WWP1: variants seen among roughly 807,000 people sequenced by gnomAD.
The protein encoded by WWP1 is WW domain containing E3 ubiquitin protein ligase 1.
WWP1 carries 49 observed loss-of-function variants against 130.6 expected under a neutral mutation model. That is an observed-to-expected ratio of 0.38 (90% CI 0.30 to 0.48). WWP1 has a LOEUF of 0.48. WWP1 is among the 20% of genes least tolerant of loss of function. The pLI is 0.99. For missense variants in WWP1, 809 were observed against 1,100.6 expected (o/e 0.74, Z 3.75); for synonymous variants, 332 against 367.8 (o/e 0.90, Z 1.11).
intron 5 of WWP1, among the ~76,000 whole-genome samples, chr8:86,393,063 T>C (rs558342017): frequency 4.9e-4 from 75 of 152,348 alleles, no homozygotes; most frequent in Non-Finnish European, 6.9e-4. Context: ...CAGATGTTTA[T>C]TAGTCATTCA....
rs542835537 is a variant in WWP1, at chr8:86,431,218, AAT to A, written c.1388-183_1388-182del. Among the ~76,000 whole-genome samples, 720 of 141,410 alleles carry A rather than the reference AAT, an allele frequency of 5.1e-3. 7 individuals are homozygous for A. Among genetic ancestry groups the A allele is most frequent in the African/African-American group, 0.017 (673 of 38,594 alleles). The allele number at this position is 141,410 out of a possible 152,430, so 92.8% of individuals were successfully genotyped here. ...ATATATATTATATTCTCTATAATATAATATATGTTATATTCTCTATAATATAT... is the reference window on the plus strand; with the variant it reads ...ATATATATTATATTCTCTATAATATAATATGTTATATTCTCTATAATATAT... On this transcript the variant is annotated intron_variant, in intron 12 of 24. Coordinates refer to ENST00000517970, the MANE Select transcript of WWP1 (RefSeq NM_007013.4).
intron 5 of WWP1, among the ~76,000 whole-genome samples, chr8:86,390,250 A>G: frequency 7.0e-6 from 1 of 142,244 alleles, no homozygotes; most frequent in Non-Finnish European, 1.5e-5. Context: ...ATCCCAGACG[A>G]CGGGCGGCCA....
intron 21 of WWP1, among the ~76,000 whole-genome samples, chr8:86,454,578 G>T (rs975238876): frequency 6.6e-6 from 1 of 152,160 alleles, no homozygotes; most frequent in South Asian, 2.1e-4. Context: ...TTAATCTGAA[G>T]ATGGACATCT....
chr8:86,446,318 A>G (rs1050692612), intron 18 of WWP1, among the ~76,000 whole-genome samples: 1 of 151,698 alleles, frequency 6.6e-6, no homozygotes, highest in African/African-American at 2.4e-5. Flanking sequence ...GTGTCTGTTT[A>G]TGCTTGCCCA....
Position 86,448,186 on chromosome 8 carries a change from T to G in WWP1, c.2037T>G (p.Ser679=), listed in dbSNP as rs1268661413. 6.4e-7 allele frequency: 1 copy of G among 1,571,802 alleles called. No individual in the cohort carries two copies. The highest frequency in any genetic ancestry group is 8.5e-7 in the Non-Finnish European group (1 of 1,169,888). The part of the protein sequence containing the change: ...FHGKFIDTGF[S]LPFYKRMLSK... The stretch of plus-strand genomic sequence containing the variant: ...GAAAGTTTATCGATACTGGTTTCTC[T>G]TTACCATTCTACAAGCGTATGTTAA... Residue 679 remains serine (S), a synonymous_variant, in exon 19 of 25, where the codon TCT becomes TCG. Transcript: ENST00000517970.
intron 5 of WWP1, among the ~76,000 whole-genome samples, chr8:86,383,284 C>T (rs1012513141): frequency 2.0e-5 from 3 of 151,830 alleles, no homozygotes; most frequent in Non-Finnish European, 4.4e-5. Context: ...ATTATTTAAC[C>T]ATATTCCCAT....
intron 14 of WWP1, among the ~76,000 whole-genome samples, chr8:86,432,516 T>C (rs1230718037): frequency 6.7e-6 from 1 of 148,564 alleles, no homozygotes; most frequent in Admixed American, 6.7e-5. Flanking sequence ...ATTATTCTTA[T>C]CAGCTGTTAT....
At chr8:86,410,473 A>G (rs1808519976) in intron 8 of WWP1, among the ~76,000 whole-genome samples, 1 of 152,090 alleles carries the variant, frequency 6.6e-6, no homozygotes. Flanking sequence ...AACACTTGGA[A>G]AGGTATATTT....
At chr8:86,366,810 T>C (rs1010155157) in intron 1 of WWP1, among the ~76,000 whole-genome samples, 3 of 152,184 alleles carry the variant, frequency 2.0e-5, no homozygotes, top group Non-Finnish European at 2.9e-5. Flanking sequence ...GACGAGTTGG[T>C]CACCCTCCTG....
chr8:86,461,506 C>T, intron 23 of WWP1, 186 bp downstream of exon 23: 2 of 636,410 alleles, frequency 3.1e-6, no homozygotes, highest in South Asian at 2.0e-5. Flanking sequence ...AATGTGTCCT[C>T]ATATAGCTGA....
chr8:86,431,389 C>G lies in WWP1; in HGVS notation c.1388-17C>G. On this transcript the variant is annotated splice_polypyrimidine_tract_variant and intron_variant, in intron 12 of 24. Coordinates refer to ENST00000517970, the MANE Select transcript of WWP1 (RefSeq NM_007013.4). ...TCCTAAATAGTTATTAAATATTATA[C>G]TCACTTTATATTTCAGAAAAAAGAG... The G allele has an allele frequency of 6.6e-7, 1 of 1,511,170 alleles. No individual in the cohort carries two copies. The highest frequency in any genetic ancestry group is 9.0e-7 in the Non-Finnish European group (1 of 1,108,656). 93.6% of individuals were successfully genotyped at this position (1,511,170 alleles called of 1,614,324 possible). A position where few individuals can be genotyped will look rare whatever the true frequency, so the allele number is the denominator to read the frequency against.
chr8:86,465,400 G>A (rs992446507), intron 24 of WWP1, among the ~76,000 whole-genome samples: 1 of 152,186 alleles, frequency 6.6e-6, no homozygotes, highest in Admixed American at 6.5e-5. Flanking sequence ...ACAAAGGGAT[G>A]TAGTGGCAGT....
intron 1 of WWP1, among the ~76,000 whole-genome samples, chr8:86,360,457 T>A (rs918102552): frequency 6.6e-6 from 1 of 152,228 alleles, no homozygotes; most frequent in African/African-American, 2.4e-5. Flanking sequence ...AGTTCCTGCC[T>A]GCTGTCCAGA....
At chr8:86,401,432 C>T (rs118179771) in intron 7 of WWP1, among the ~76,000 whole-genome samples, 17 of 151,790 alleles carry the variant, frequency 1.1e-4, no homozygotes, top group South Asian at 2.1e-4. Context: ...CTGTGATGCA[C>T]GTCTGTGATC....
chr8:86,429,242 C>T (rs1011983383), intron 11 of WWP1, among the ~76,000 whole-genome samples: 1 of 152,206 alleles, frequency 6.6e-6, no homozygotes, highest in African/African-American at 2.4e-5. Flanking sequence ...GAAGGATGCC[C>T]TCACCATGGC....
chr8:86,441,879 C>A (rs1246894988), intron 17 of WWP1, among the ~76,000 whole-genome samples: 1 of 152,068 alleles, frequency 6.6e-6, no homozygotes, highest in East Asian at 1.9e-4. Context: ...GAAGAAATTG[C>A]TATTGAAAAG....
At chr8:86,459,765 A>G (rs1010191431) in intron 22 of WWP1, among the ~76,000 whole-genome samples, 7 of 152,184 alleles carry the variant, frequency 4.6e-5, no homozygotes, top group African/African-American at 2.4e-5. Context: ...TCGGTGTTCC[A>G]TGGCTTTCTG....
At chr8:86,431,540 A>T (rs1336872997) in intron 13 of WWP1, 50 bp downstream of exon 13, 1 of 1,611,568 alleles carries the variant, frequency 6.2e-7, no homozygotes, top group Admixed American at 1.7e-5. Flanking sequence ...CAGTAGGTAG[A>T]ACCAACCAAC....
chr8:86,431,030 A>G (rs1809933900), intron 12 of WWP1, among the ~76,000 whole-genome samples: 1 of 123,564 alleles, frequency 8.1e-6, no homozygotes, highest in Admixed American at 8.4e-5. Flanking sequence ...ATATATATGT[A>G]TATTATATAT....
Sources: allele counts gnomAD v4.1 joint callset (sites outside exome capture counted in the v4.1 genomes callset), GRCh38; gene constraint gnomAD v4.1.1; transcripts MANE v1.5; gene names NCBI Gene and HGNC (gene_info 2026-07-23, HGNC 2026-07-21).